PDE10A: variants seen among roughly 807,000 people sequenced by gnomAD.
PDE10A encodes cAMP and cAMP-inhibited cGMP 3',5'-cyclic phosphodiesterase 10A.
A neutral mutation model predicts 97.7 loss-of-function variants in PDE10A; 39 were observed. That is an observed-to-expected ratio of 0.40 (90% CI 0.31 to 0.52). The LOEUF is 0.52. PDE10A is among the 20% of genes least tolerant of loss of function. The probability of loss-of-function intolerance (pLI) is 0.56; values close to 1 mark genes in which losing one functional copy is unlikely to be tolerated. For missense variants in PDE10A, 731 were observed against 1,047.8 expected, an observed-to-expected ratio of 0.70 and a Z score of 4.17; for synonymous variants, 371 against 376.8, an observed-to-expected ratio of 0.98 and a Z score of 0.18.
chr6:165,578,718 T>C (rs1345833816), intron 1 of PDE10A, among the ~76,000 whole-genome samples: 1 of 152,172 alleles, frequency 6.6e-6, no homozygotes, highest in African/African-American at 2.4e-5. Flanking sequence ...AAAGTCCGTC[T>C]CTCCAATTTA....
intron 1 of PDE10A, among the ~76,000 whole-genome samples, chr6:165,831,278 A>T (rs1206196051): frequency 7.3e-6 from 1 of 137,828 alleles, no homozygotes; most frequent in Non-Finnish European, 1.5e-5. Context: ...AGGCTGAGGC[A>T]GGAGAATGGT....
chr6:165,802,688 C>A (rs1459763114), intron 1 of PDE10A, among the ~76,000 whole-genome samples: 1 of 152,220 alleles, frequency 6.6e-6, no homozygotes, highest in Non-Finnish European at 1.5e-5. Context: ...CCGTTCCACA[C>A]ATATGGGGTC....
At chr6:165,931,585 G>A (rs1783135744) in intron 1 of PDE10A, among the ~76,000 whole-genome samples, 2 of 152,216 alleles carry the variant, frequency 1.3e-5, no homozygotes. Context: ...AATAGTGCAG[G>A]TGTTTAAGGT....
chr6:165,764,542 G>GCTCGGATT (rs67193088), intron 1 of PDE10A, among the ~76,000 whole-genome samples: 1 of 270 alleles, frequency 3.7e-3, no homozygotes, highest in East Asian at 0.17. Context: ...GTTCCTTCTG[G>GCTCGGATT]TGTTCGGAGT....
chr6:165,955,425 T>A (rs572349191), intron 1 of PDE10A, among the ~76,000 whole-genome samples: 1 of 152,330 alleles, frequency 6.6e-6, no homozygotes, highest in East Asian at 1.9e-4. Flanking sequence ...TGGAAGTGAC[T>A]GGTCCCTTAT....
At chr6:165,550,587 T>C (rs1253809824) in intron 1 of PDE10A, among the ~76,000 whole-genome samples, 1 of 152,242 alleles carries the variant, frequency 6.6e-6, no homozygotes, top group Non-Finnish European at 1.5e-5. Flanking sequence ...CACAAGATTA[T>C]TGATGGGCAT....
chr6:165,454,702 G>C (rs771968035), intron 3 of PDE10A, among the ~76,000 whole-genome samples: 13 of 152,068 alleles, frequency 8.5e-5, no homozygotes, highest in Admixed American at 2.0e-4. Flanking sequence ...AGAACTGTAA[G>C]AAATAAATTT....
At chr6:165,807,953 TAGAG>T (rs1484577208) in intron 1 of PDE10A, among the ~76,000 whole-genome samples, 2 of 152,186 alleles carry the variant, frequency 1.3e-5, no homozygotes, top group African/African-American at 2.4e-5. Context: ...TTCTGCAAGA[TAGAG>T]AGGAAGAAGC....
intron 1 of PDE10A, among the ~76,000 whole-genome samples, chr6:165,950,643 G>A (rs752367067): frequency 1.8e-4 from 27 of 152,168 alleles, no homozygotes; most frequent in African/African-American, 4.8e-4. Context: ...TGCAGAAGGC[G>A]GCCTTCTAGT....
At chr6:165,409,522 G>C (rs995497648) in intron 13 of PDE10A, 6 of 154,564 alleles carry the variant, frequency 3.9e-5, no homozygotes, top group Non-Finnish European at 5.7e-5. Flanking sequence ...GCTACAGCCT[G>C]GGTGACAAAG....
At chr6:165,894,534 C>T in intron 1 of PDE10A, 1 of 455,930 alleles carries the variant, frequency 2.2e-6, no homozygotes, top group South Asian at 1.5e-5. Flanking sequence ...TTTTAATAGA[C>T]CACAAACTCA....
chr6:165,910,340 C>T (rs544287996), intron 1 of PDE10A, among the ~76,000 whole-genome samples: 85 of 152,276 alleles, frequency 5.6e-4, no homozygotes, highest in Middle Eastern at 6.8e-3. Flanking sequence ...CATTCCAACT[C>T]CCTCCCTGAC....
chr6:165,397,439 G>A (rs1256939159), intron 13 of PDE10A, among the ~76,000 whole-genome samples: 2 of 152,114 alleles, frequency 1.3e-5, no homozygotes, highest in East Asian at 1.9e-4. Context: ...GCTGGGCAAG[G>A]TCACTCACCC....
chr6:165,654,539 A>G (rs1440136097), intron 1 of PDE10A, among the ~76,000 whole-genome samples: 1 of 152,084 alleles, frequency 6.6e-6, no homozygotes, highest in Non-Finnish European at 1.5e-5. Flanking sequence ...CCAGTGTCCA[A>G]AGCCATCTCA....
At chr6:165,693,210 G>A (rs760739474) in intron 1 of PDE10A, among the ~76,000 whole-genome samples, 21 of 152,264 alleles carry the variant, frequency 1.4e-4, no homozygotes, top group Non-Finnish European at 2.4e-4. Flanking sequence ...AATAGGATGT[G>A]AAATCATTAG....
At chr6:165,468,025 G>A (rs1007485278) in intron 3 of PDE10A, among the ~76,000 whole-genome samples, 4 of 152,146 alleles carry the variant, frequency 2.6e-5, no homozygotes, top group African/African-American at 9.7e-5. Flanking sequence ...ATTACAACTT[G>A]CCGACAGCTC....
chr6:165,460,643 GC>G (rs1268154232), intron 3 of PDE10A, among the ~76,000 whole-genome samples: 1 of 152,164 alleles, frequency 6.6e-6, no homozygotes, highest in African/African-American at 2.4e-5. Context: ...AGTTGGTAAA[GC>G]CCCTGAAATA....
chr6:165,790,673 G>A (rs970152453), intron 1 of PDE10A, among the ~76,000 whole-genome samples: 1 of 152,106 alleles, frequency 6.6e-6, no homozygotes, highest in South Asian at 2.1e-4. Flanking sequence ...CCCGTCAGCC[G>A]TCTCTGCCCG....
chr6:165,588,643 A>G (rs1786067996), intron 1 of PDE10A, among the ~76,000 whole-genome samples: 1 of 152,132 alleles, frequency 6.6e-6, no homozygotes, highest in African/African-American at 2.4e-5. Context: ...GTACTTTCAG[A>G]TATATTCCAT....
Sources: gnomAD v4.1 joint callset for allele counts (sites outside exome capture counted in the v4.1 genomes callset) on GRCh38, gnomAD v4.1.1 for gene constraint, MANE v1.5 for transcripts, NCBI Gene and HGNC (gene_info 2026-07-23, HGNC 2026-07-21) for gene names.